PDE1C: variants seen among roughly 807,000 people sequenced by gnomAD.
PDE1C encodes the protein phosphodiesterase 1C.
Under a neutral mutation model 93.1 loss-of-function variants are expected in PDE1C, and 62 were observed. That is an observed-to-expected ratio of 0.67 (90% CI 0.54 to 0.82). The LOEUF (loss-of-function observed/expected upper bound fraction) is 0.82, where lower values mean the gene tolerates loss of function less well. PDE1C is among the 40% of genes least tolerant of loss of function. The probability of loss-of-function intolerance (pLI) is 0.00; values close to 1 mark genes in which losing one functional copy is unlikely to be tolerated. For missense variants in PDE1C, 742 were observed against 884.6 expected (o/e 0.84, Z 2.04); for synonymous variants, 325 against 310.1 (o/e 1.05, Z -0.50).
chr7:31,704,659 T>G, the PDE1C span, among the ~76,000 whole-genome samples: 135 of 152,318 alleles, frequency 8.9e-4, 1 homozygote, highest in Middle Eastern at 3.4e-3. Context: ...GCAGCCACAA[T>G]GTAGGCCTAA....
chr7:31,646,225 C>T, the PDE1C span, among the ~76,000 whole-genome samples: 1 of 152,152 alleles, frequency 6.6e-6, no homozygotes, highest in Non-Finnish European at 1.5e-5. Flanking sequence ...TTTAATCCAT[C>T]AGGCAAACCA....
At chr7:32,397,858 C>CAAAAA (rs757982405) in intron 1 of PDE1C, among the ~76,000 whole-genome samples, 107 of 135,462 alleles carry the variant, frequency 7.9e-4, no homozygotes, top group African/African-American at 2.7e-3. Flanking sequence ...ACTAAAGATA[C>CAAAAA]AAAAAAAAAA....
intron 2 of PDE1C, among the ~76,000 whole-genome samples, chr7:31,993,664 A>G (rs1784402614): frequency 6.6e-6 from 1 of 152,226 alleles, no homozygotes; most frequent in Non-Finnish European, 1.5e-5. Flanking sequence ...AAACATTAGT[A>G]AAAAACAAAT....
chr7:31,760,353 T>G (rs1206868440), intron 17 of PDE1C, among the ~76,000 whole-genome samples: 1 of 152,200 alleles, frequency 6.6e-6, no homozygotes, highest in Non-Finnish European at 1.5e-5. Context: ...ATTAACCCAG[T>G]ATACCCTGTT....
At chr7:31,887,740 G>C (rs1798129580) in intron 2 of PDE1C, among the ~76,000 whole-genome samples, 1 of 152,120 alleles carries the variant, frequency 6.6e-6, no homozygotes, top group African/African-American at 2.4e-5. Flanking sequence ...ATTGAACTCA[G>C]ACAGATAATG....
At chr7:31,816,306 A>T (rs1298465564) in intron 14 of PDE1C, 152 bp from the exon 15 acceptor site, 1 of 654,220 alleles carries the variant, frequency 1.5e-6, no homozygotes, top group Non-Finnish European at 2.6e-6. Context: ...TGGCATGTAT[A>T]CTTAGGAAAC....
intron 2 of PDE1C, among the ~76,000 whole-genome samples, chr7:32,193,527 T>C (rs777987738): frequency 1.7e-4 from 26 of 152,186 alleles, no homozygotes; most frequent in Admixed American, 5.9e-4. Flanking sequence ...AGACTTTGTT[T>C]TATATATTAT....
chr7:31,983,936 T>C (rs1322280103), intron 2 of PDE1C, among the ~76,000 whole-genome samples: 5 of 151,924 alleles, frequency 3.3e-5, no homozygotes, highest in African/African-American at 1.2e-4. Context: ...GAAGGAGAGA[T>C]GTGGGGTGGA....
intron 1 of PDE1C, among the ~76,000 whole-genome samples, chr7:32,239,280 C>T (rs148011851): frequency 6.6e-6 from 1 of 152,134 alleles, no homozygotes; most frequent in African/African-American, 2.4e-5. Context: ...CTCATACTAG[C>T]TACTCAGGAG....
At chr7:31,986,800 G>C (rs945738087) in intron 2 of PDE1C, among the ~76,000 whole-genome samples, 1 of 152,092 alleles carries the variant, frequency 6.6e-6, no homozygotes, top group African/African-American at 2.4e-5. Context: ...AACTGTGAGG[G>C]AAAAAATTTG....
chr7:32,134,701 T>C (rs767083913), intron 3 of PDE1C, among the ~76,000 whole-genome samples: 5 of 152,026 alleles, frequency 3.3e-5, no homozygotes, highest in Admixed American at 6.6e-5. Flanking sequence ...AAGTGGGAGT[T>C]GAACAATGAG....
chr7:31,823,480 T>C (rs756152229), intron 13 of PDE1C, among the ~76,000 whole-genome samples: 9 of 152,262 alleles, frequency 5.9e-5, no homozygotes, highest in Non-Finnish European at 1.3e-4. Flanking sequence ...ATTCTTCATA[T>C]TTCTTCTTTG....
Position 32,343,715 on chromosome 7 carries a change from T to A in PDE1C, c.310+84107A>T, listed in dbSNP as rs562644113. On this transcript the variant is annotated intron_variant, in intron 1 of 1. Coordinates refer to the PDE1C transcript ENST00000672256. Reference sequence around the variant, plus strand: ...TTATGGCCTGCTTTGTAATAAATTATCCTTTGTAATTTCCCAATCTCTATT... The same window carrying A: ...TTATGGCCTGCTTTGTAATAAATTAACCTTTGTAATTTCCCAATCTCTATT... 2.0e-5 allele frequency among the ~76,000 whole-genome samples: 3 copies of A among 152,346 alleles called. No homozygotes were observed. In the South Asian group the frequency reaches 6.2e-4, roughly 32 times the overall value.
chr7:31,639,192 T>A, the PDE1C span, among the ~76,000 whole-genome samples: 1 of 152,212 alleles, frequency 6.6e-6, no homozygotes, highest in Non-Finnish European at 1.5e-5. Flanking sequence ...AAGCTTTCCC[T>A]CCTCTTTGGG....
the PDE1C span, chr7:31,652,592 CA>C: frequency 2.5e-6 from 4 of 1,612,616 alleles, no homozygotes; most frequent in African/African-American, 4.0e-5. Flanking sequence ...TAGAAGAAAG[CA>C]ATGGGCAGAC....
At chr7:31,988,663 G>T (rs1033366416) in intron 2 of PDE1C, among the ~76,000 whole-genome samples, 1 of 152,120 alleles carries the variant, frequency 6.6e-6, no homozygotes, top group Non-Finnish European at 1.5e-5. Flanking sequence ...TTCCAGTTCA[G>T]CCTGGGGACA....
the PDE1C span, among the ~76,000 whole-genome samples, chr7:31,655,569 C>G: frequency 6.6e-6 from 1 of 152,232 alleles, no homozygotes; most frequent in African/African-American, 2.4e-5. Context: ...ATCATACTTC[C>G]CAGAGCAGCC....
intron 2 of PDE1C, among the ~76,000 whole-genome samples, chr7:32,013,732 C>A (rs1300970122): frequency 6.6e-6 from 1 of 152,204 alleles, no homozygotes; most frequent in Non-Finnish European, 1.5e-5. Context: ...GCTAAGGACA[C>A]AAAGTACATT....
intron 2 of PDE1C, among the ~76,000 whole-genome samples, chr7:32,192,862 C>T (rs1804330637): frequency 1.3e-5 from 2 of 152,110 alleles, no homozygotes; most frequent in Non-Finnish European, 2.9e-5. Flanking sequence ...TCTCTCATGG[C>T]ACTGCATAGT....
Sources: gnomAD v4.1 joint callset for allele counts (sites outside exome capture counted in the v4.1 genomes callset) on GRCh38, gnomAD v4.1.1 for gene constraint, MANE v1.5 for transcripts, NCBI Gene and HGNC (gene_info 2026-07-23, HGNC 2026-07-21) for gene names.